Variants in DCUN1D2 observed in about 807,000 individuals in gnomAD.
The protein encoded by DCUN1D2 is defective in cullin neddylation 1 domain containing 2, also known as DCN1-like protein 2.
Under a neutral mutation model 30.9 loss-of-function variants are expected in DCUN1D2, and 29 were observed. That is an observed-to-expected ratio of 0.94 (90% confidence interval 0.70 to 1.28). The LOEUF (loss-of-function observed/expected upper bound fraction) is 1.28, where lower values mean the gene tolerates loss of function less well. DCUN1D2 is among the 50% of genes most tolerant of loss of function. DCUN1D2 has a pLI of 0.00. For synonymous variants in DCUN1D2, 121 were observed against 115.3 expected, an observed-to-expected ratio of 1.05 and a Z score of -0.32; for missense variants, 325 against 316.9, an observed-to-expected ratio of 1.03 and a Z score of -0.19.
At chr13:113,458,257 A>G in intron 6 of DCUN1D2, 149 bp from the exon 7 acceptor site, 2 of 733,730 alleles carry the variant, frequency 2.7e-6, no homozygotes, top group Non-Finnish European at 4.7e-6. Context: ...GAACCAGCCC[A>G]AGTTACCCAG....
intron 2 of DCUN1D2, among the ~76,000 whole-genome samples, chr13:113,481,752 C>CGTG (rs2044712855): frequency 1.3e-5 from 2 of 151,878 alleles, no homozygotes; most frequent in Non-Finnish European, 2.9e-5. Flanking sequence ...GGCGGGGTGG[C>CGTG]TCACGCCTAT....
intron 4 of DCUN1D2, chr13:113,463,173 C>T (rs2044346020): frequency 1.3e-5 from 2 of 159,280 alleles, no homozygotes; most frequent in Admixed American, 6.5e-5. Context: ...CCAACAGCTA[C>T]TCTGGTGGCT....
intron 4 of DCUN1D2, among the ~76,000 whole-genome samples, chr13:113,465,496 A>C (rs1185037154): frequency 6.6e-6 from 1 of 150,492 alleles, no homozygotes; most frequent in East Asian, 1.9e-4. Flanking sequence ...AAACAGAGAG[A>C]AGTAAAAAAA....
intron 2 of DCUN1D2, among the ~76,000 whole-genome samples, chr13:113,482,401 A>G (rs2044725891): frequency 6.6e-6 from 1 of 152,370 alleles, no homozygotes; most frequent in African/African-American, 2.4e-5. Context: ...CATAAAAATC[A>G]GCATATGACT....
chr13:113,466,921 C>T (rs1453229245), intron 4 of DCUN1D2, among the ~76,000 whole-genome samples: 2 of 151,794 alleles, frequency 1.3e-5, no homozygotes. Flanking sequence ...ATTCTCCTGC[C>T]TCAGCCTCCT....
At chr13:113,460,365 C>T (rs889627911) in intron 5 of DCUN1D2, among the ~76,000 whole-genome samples, 2 of 152,210 alleles carry the variant, frequency 1.3e-5, no homozygotes, top group South Asian at 2.1e-4. Flanking sequence ...GTGGGTTGGG[C>T]GGTGGAAGAC....
At chr13:113,464,114 C>T (rs1033145092) in intron 4 of DCUN1D2, among the ~76,000 whole-genome samples, 4 of 152,228 alleles carry the variant, frequency 2.6e-5, no homozygotes, top group African/African-American at 4.8e-5. Flanking sequence ...TTTACAAAAT[C>T]TAATCTTTTC....
At chr13:113,491,245 G>C (rs2045004410), upstream of DCUN1D2, 1 of 152,334 alleles carries the variant, frequency 6.6e-6, no homozygotes, top group Non-Finnish European at 1.5e-5. Flanking sequence ...GCTCGGGCCG[G>C]ACGGGCGGGC....
intron 1 of DCUN1D2, among the ~76,000 whole-genome samples, chr13:113,487,795 T>C (rs1186498886): frequency 1.3e-5 from 2 of 152,212 alleles, no homozygotes; most frequent in African/African-American, 4.8e-5. Context: ...CACAAATTTG[T>C]GAACGTACTA....
intron 1 of DCUN1D2, 46 bp from the exon 2 acceptor site, chr13:113,484,102 G>A (rs1383104318): frequency 6.2e-7 from 1 of 1,607,254 alleles, no homozygotes; most frequent in Non-Finnish European, 8.5e-7. Flanking sequence ...GCCGCTCCAG[G>A]TTTGTCCCAG....
rs758479854 is a variant in DCUN1D2, at chr13:113,456,081, C to A, written c.*1948G>T. 7 of 397,360 alleles carry A rather than the reference C, an allele frequency of 1.8e-5. No individual in the cohort carries two copies. Among genetic ancestry groups the A allele is most frequent in the African/African-American group, 4.1e-5 (2 of 48,462 alleles). 24.6% of individuals were successfully genotyped at this position (397,360 alleles called of 1,614,324 possible). On this transcript the variant is annotated 3_prime_UTR_variant, in exon 7 of 7. Transcript: ENST00000478244. ...AATTACATGTCAAGAATCCATGAAG[C>A]CTGGAAGATACGCTCACGTTTTTGA...
intron 3 of DCUN1D2, chr13:113,476,070 C>T (rs910702438): frequency 1.2e-4 from 19 of 152,236 alleles, no homozygotes; most frequent in African/African-American, 4.1e-4. Context: ...TGCTCATTTT[C>T]TTGGCCATAC....
intron 4 of DCUN1D2, among the ~76,000 whole-genome samples, chr13:113,470,840 C>G (rs2044494579): frequency 6.6e-6 from 1 of 150,524 alleles, no homozygotes; most frequent in Non-Finnish European, 1.5e-5. Flanking sequence ...ACAGAAGACC[C>G]AACTCCACAG....
At chr13:113,468,449 G>A (rs2044444529) in intron 4 of DCUN1D2, among the ~76,000 whole-genome samples, 1 of 152,210 alleles carries the variant, frequency 6.6e-6, no homozygotes, top group South Asian at 2.1e-4. Flanking sequence ...TTCTGGGAAT[G>A]AATACTGGTG....
intron 1 of DCUN1D2, among the ~76,000 whole-genome samples, chr13:113,486,266 A>G (rs557688145): frequency 3.3e-5 from 5 of 152,182 alleles, no homozygotes; most frequent in Non-Finnish European, 7.3e-5. Flanking sequence ...ACCAAATGCC[A>G]CATGTTCTCA....
rs548198412 is a variant in DCUN1D2 at position 113,460,502 on chromosome 13, C to T, written c.603+552G>A. ...CTGCCAGCAAGACGGGCTGGCATGA[C>T]GCAGCCTTGCCCCGCACCAGCAAAG... On this transcript the variant is annotated intron_variant, in intron 5 of 6. Transcript: ENST00000478244. Among the ~76,000 whole-genome samples the T allele has an allele frequency of 1.4e-4, 21 of 152,352 alleles. No homozygotes were observed. In the South Asian group the frequency reaches 2.7e-3, roughly 20 times the overall value.
chr13:113,482,260 A>C (rs2044723756), intron 2 of DCUN1D2, among the ~76,000 whole-genome samples: 1 of 152,264 alleles, frequency 6.6e-6, no homozygotes. Context: ...ACTGAGTATA[A>C]TTGCATGAAT....
At position 113,477,613 on chromosome 13, in the gene DCUN1D2, A is replaced by C. The variant is rs75987745; in HGVS notation, c.389+2962T>G. 4.7e-3 allele frequency among the ~76,000 whole-genome samples: 718 copies of C among 152,172 alleles called. 35 individuals carry two copies. The East Asian group carries it at 0.12, about 25-fold the overall frequency. ...TTCTGTCTCAAAGAGAAGGTGGCTT[A>C]CAATTCCAGTAAGTATAATGTTTTC... On this transcript the variant is annotated intron_variant, in intron 3 of 6. Coordinates refer to ENST00000478244, the MANE Select transcript of DCUN1D2 (RefSeq NM_001014283.2).
chr13:113,490,201 G>A lies in DCUN1D2; in HGVS notation c.3+466C>T, dbSNP rs916930283. Among the ~76,000 whole-genome samples, 2 of 152,030 alleles carry A rather than the reference G, an allele frequency of 1.3e-5. No homozygotes were observed. The highest frequency in any genetic ancestry group is 2.4e-5 in the African/African-American group (1 of 41,394). On this transcript the variant is annotated intron_variant, in intron 1 of 6. Transcript: ENST00000478244. The surrounding 1 kb of genome is among the most constrained non-coding windows in gnomAD (Gnocchi z 5.2). ...CCGCTGTGCCTCTCCCTCCCCTCCCGGCAGCAGGGCCTCCCCCGCGAATCT... is the reference window on the plus strand; with the variant it reads ...CCGCTGTGCCTCTCCCTCCCCTCCCAGCAGCAGGGCCTCCCCCGCGAATCT...
Sources: allele counts gnomAD v4.1 joint callset (sites outside exome capture counted in the v4.1 genomes callset), GRCh38; gene constraint gnomAD v4.1.1; non-coding constraint Gnocchi (gnomAD v3.1); transcripts MANE v1.5; gene names NCBI Gene and HGNC (gene_info 2026-07-23, HGNC 2026-07-21).